The following ZCCHC7 variants were observed in gnomAD, a reference collection of about 807,000 sequenced individuals.
ZCCHC7 encodes the protein zinc finger CCHC domain-containing protein 7.
ZCCHC7 carries 35 observed loss-of-function variants against 52.0 expected under a neutral mutation model. That is an observed-to-expected ratio of 0.67 (90% CI 0.51 to 0.89). The LOEUF is 0.89. Among genes scored for constraint, ZCCHC7 ranks in the 40% least tolerant of loss-of-function variants. The probability of loss-of-function intolerance (pLI) is 0.00; values close to 1 mark genes in which losing one functional copy is unlikely to be tolerated. For synonymous variants in ZCCHC7, 217 were observed against 221.5 expected (o/e 0.98, Z 0.18); for missense variants, 574 against 649.1 (o/e 0.88, Z 1.26).
At chr9:37,191,088 A>G (rs896162410) in intron 2 of ZCCHC7, among the ~76,000 whole-genome samples, 3 of 152,134 alleles carry the variant, frequency 2.0e-5, no homozygotes, top group Non-Finnish European at 2.9e-5. Flanking sequence ...TTCAGGGTAC[A>G]CCTTTTATGG....
rs538085458 is a variant in ZCCHC7 at position 37,351,628 on chromosome 9, T to C, written c.1083+2176T>C. Among the ~76,000 whole-genome samples, 5 of 152,300 alleles carry C rather than the reference T, an allele frequency of 3.3e-5. No homozygotes were observed. The South Asian group carries it at 6.2e-4, about 19-fold the overall frequency. On this transcript the variant is annotated intron_variant, in intron 7 of 8. Transcript: ENST00000336755. ...AGCCAAGAAGACTTCTTTTACAGAATTATCATCTCTAGATCTTTTACTGCT... is the reference window on the plus strand; with the variant it reads ...AGCCAAGAAGACTTCTTTTACAGAACTATCATCTCTAGATCTTTTACTGCT...
chr9:37,176,034 A>G (rs888242323), intron 2 of ZCCHC7, among the ~76,000 whole-genome samples: 1 of 151,914 alleles, frequency 6.6e-6, no homozygotes, highest in Non-Finnish European at 1.5e-5. Context: ...TCTGACAAAT[A>G]TTTCTTAAGC....
At chr9:37,314,897 G>A (rs1829747360) in intron 5 of ZCCHC7, among the ~76,000 whole-genome samples, 1 of 152,010 alleles carries the variant, frequency 6.6e-6, no homozygotes, top group Admixed American at 6.6e-5. Context: ...TACTTATAGG[G>A]ATCTGTTTGC....
rs540513595 is a variant in ZCCHC7, at chr9:37,288,687, T to C, written c.611-13501T>C. Among the ~76,000 whole-genome samples the C allele has an allele frequency of 5.9e-5, 9 of 152,296 alleles. No homozygotes were observed. In the South Asian group the frequency reaches 1.9e-3, roughly 32 times the overall value. On this transcript the variant is annotated intron_variant, in intron 2 of 8. Coordinates refer to ENST00000336755, the MANE Select transcript of ZCCHC7 (RefSeq NM_032226.3). ...AAGGGTCAGTTCTCAGTCTTTTTCT[T>C]ACCTGCCCTATTGGTGGCATTTACC...
intron 2 of ZCCHC7, among the ~76,000 whole-genome samples, chr9:37,270,047 T>C (rs1827327742): frequency 6.6e-6 from 1 of 152,212 alleles, no homozygotes; most frequent in African/African-American, 2.4e-5. Context: ...TGAATTGAGA[T>C]GTGTTATAGT....
At chr9:37,332,102 T>C (rs1035099623) in intron 6 of ZCCHC7, among the ~76,000 whole-genome samples, 4 of 151,640 alleles carry the variant, frequency 2.6e-5, no homozygotes, top group African/African-American at 9.7e-5. Context: ...CTGTATCTGG[T>C]ATTGCTGTTT....
rs1826118422 is a variant in ZCCHC7, at chr9:37,247,208, C to A, written c.611-54980C>A. Among the ~76,000 whole-genome samples the A allele has an allele frequency of 4.6e-5, 7 of 152,224 alleles. No homozygotes were observed. The South Asian group carries it at 1.5e-3, about 32-fold the overall frequency. On this transcript the variant is annotated intron_variant, in intron 2 of 8. Coordinates refer to ENST00000336755, the MANE Select transcript of ZCCHC7 (RefSeq NM_032226.3). ...TGGATTTTTATATTCTGTCACTTAG[C>A]CTTTCACACCTCACTTCACAGCTTT...
chr9:37,225,111 C>T (rs1035288365), intron 2 of ZCCHC7, among the ~76,000 whole-genome samples: 11 of 151,958 alleles, frequency 7.2e-5, no homozygotes, highest in African/African-American at 2.4e-4. Context: ...GAATTGAAGA[C>T]CAATCAGGAA....
At chr9:37,316,868 C>CTTTTTTT (rs34953424) in intron 5 of ZCCHC7, among the ~76,000 whole-genome samples, 3 of 140,284 alleles carry the variant, frequency 2.1e-5, no homozygotes, top group African/African-American at 8.0e-5. Context: ...ACATAAGCCT[C>CTTTTTTT]TTTTTTTTTT....
intron 2 of ZCCHC7, among the ~76,000 whole-genome samples, chr9:37,236,320 G>A (rs1016979080): frequency 5.9e-5 from 9 of 151,970 alleles, no homozygotes; most frequent in Non-Finnish European, 2.9e-5. Context: ...TATGGAAACT[G>A]ATGAAGACCA....
chr9:37,192,557 A>G (rs1823072294), intron 2 of ZCCHC7, among the ~76,000 whole-genome samples: 1 of 152,236 alleles, frequency 6.6e-6, no homozygotes, highest in African/African-American at 2.4e-5. Context: ...TTAAAGCAAG[A>G]AAAGGACCAG....
chr9:37,272,438 A>G lies in ZCCHC7; in HGVS notation c.611-29750A>G, dbSNP rs1827463637. On this transcript the variant is annotated intron_variant, in intron 2 of 8. Coordinates refer to ENST00000336755, the MANE Select transcript of ZCCHC7 (RefSeq NM_032226.3). ...AAATTATAAATTGAACACCTATGTA[A>G]CCATCACCCGGGTCAAGAAATAGGA... Among the ~76,000 whole-genome samples the G allele has an allele frequency of 7.9e-5, 12 of 151,394 alleles. No individual in the cohort carries two copies. In the South Asian group the frequency reaches 2.3e-3, roughly 29 times the overall value.
At chr9:37,305,459 T>G in intron 4 of ZCCHC7, 85 bp from the exon 5 acceptor site, 1 of 1,508,604 alleles carries the variant, frequency 6.6e-7, no homozygotes, top group Non-Finnish European at 9.0e-7. Flanking sequence ...TAGAAAAGAT[T>G]TTTTTATGGG....
chr9:37,183,889 TC>T (rs772005500), intron 2 of ZCCHC7, among the ~76,000 whole-genome samples: 4 of 152,244 alleles, frequency 2.6e-5, no homozygotes, highest in African/African-American at 4.8e-5. Flanking sequence ...ACAATGCTAT[TC>T]CGCCCTCTAC....
At chr9:37,185,571 T>A (rs1396799082) in intron 2 of ZCCHC7, among the ~76,000 whole-genome samples, 1 of 152,200 alleles carries the variant, frequency 6.6e-6, no homozygotes, top group South Asian at 2.1e-4. Flanking sequence ...CTTGGTTCCT[T>A]GTAGAGCTCT....
At chr9:37,124,584 ATAAG>A (rs1196832887) in intron 1 of ZCCHC7, among the ~76,000 whole-genome samples, 1 of 152,136 alleles carries the variant, frequency 6.6e-6, no homozygotes, top group Non-Finnish European at 1.5e-5. Flanking sequence ...TTTATATTGA[ATAAG>A]TAATTATAAA....
intron 2 of ZCCHC7, among the ~76,000 whole-genome samples, chr9:37,206,492 C>T (rs956538510): frequency 6.6e-6 from 1 of 152,064 alleles, no homozygotes; most frequent in Non-Finnish European, 1.5e-5. Context: ...GCTGGGACTA[C>T]AAGTATGTAC....
intron 2 of ZCCHC7, among the ~76,000 whole-genome samples, chr9:37,163,385 C>CAAAAAAAAAAAAAAAAAA (rs1022187626): frequency 3.9e-5 from 3 of 77,164 alleles, no homozygotes; most frequent in Non-Finnish European, 5.2e-5. Context: ...GACTCCATCT[C>CAAAAAAAAAAAAAAAAAA]AAAAAAAAAA....
chr9:37,274,888 C>G (rs1198402197), intron 2 of ZCCHC7, among the ~76,000 whole-genome samples: 1 of 151,948 alleles, frequency 6.6e-6, no homozygotes, highest in East Asian at 1.9e-4. Context: ...ATTGTCCCAG[C>G]ACCATTTATT....
Sources: gnomAD v4.1 joint callset for allele counts (sites outside exome capture counted in the v4.1 genomes callset) on GRCh38, gnomAD v4.1.1 for gene constraint, MANE v1.5 for transcripts, NCBI Gene and HGNC (gene_info 2026-07-23, HGNC 2026-07-21) for gene names.